Variants in GRID1 observed in about 807,000 individuals in gnomAD.
The protein encoded by GRID1 is glutamate receptor ionotropic, delta-1.
GRID1 carries 28 observed loss-of-function variants against 98.0 expected under a neutral mutation model. The observed-to-expected ratio is 0.29, with a 90% confidence interval of 0.21 to 0.39. GRID1 has a LOEUF of 0.39. Ranked by LOEUF, GRID1 falls within the 10% of genes least tolerant of loss-of-function variation. The probability of loss-of-function intolerance (pLI) is 1.00; values close to 1 mark genes in which losing one functional copy is unlikely to be tolerated. For missense variants in GRID1, 1,111 were observed against 1,340.5 expected (o/e 0.83, Z 2.67); for synonymous variants, 553 against 538.5 (o/e 1.03, Z -0.37).
intron 2 of GRID1, among the ~76,000 whole-genome samples, chr10:86,350,221 G>A (rs1349056724): frequency 6.6e-6 from 1 of 152,230 alleles, no homozygotes; most frequent in Non-Finnish European, 1.5e-5. Flanking sequence ...TTTTGTCGGG[G>A]TCCTTGGGGA....
At chr10:86,050,447 A>G (rs1843485566) in intron 4 of GRID1, among the ~76,000 whole-genome samples, 1 of 152,248 alleles carries the variant, frequency 6.6e-6, no homozygotes, top group South Asian at 2.1e-4. Flanking sequence ...TGAAAAACAC[A>G]TGAAGAAATG....
chr10:86,105,327 C>A (rs1249433461), intron 4 of GRID1, among the ~76,000 whole-genome samples: 1 of 152,194 alleles, frequency 6.6e-6, no homozygotes, highest in Non-Finnish European at 1.5e-5. Flanking sequence ...GACCAGGAAA[C>A]TGAGGCCCAG....
intron 3 of GRID1, among the ~76,000 whole-genome samples, chr10:86,189,298 T>C (rs1256649134): frequency 6.6e-6 from 1 of 152,112 alleles, no homozygotes; most frequent in African/African-American, 2.4e-5. Context: ...GATGTCAACC[T>C]TCCCACTCCA....
intron 12 of GRID1, among the ~76,000 whole-genome samples, chr10:85,693,414 C>A (rs1303952158): frequency 1.3e-5 from 2 of 151,884 alleles, no homozygotes; most frequent in African/African-American, 2.4e-5. Flanking sequence ...TTATCAAAAG[C>A]AATAGAACAT....
At chr10:86,303,722 C>A (rs1181849118) in intron 2 of GRID1, among the ~76,000 whole-genome samples, 1 of 152,220 alleles carries the variant, frequency 6.6e-6, no homozygotes, top group African/African-American at 2.4e-5. Context: ...TCTCTCCAAT[C>A]CACCAGCAGC....
Position 85,841,971 on chromosome 10 carries a change from C to G in GRID1, c.1233+12525G>C, listed in dbSNP as rs1202137716. Among the ~76,000 whole-genome samples the G allele has an allele frequency of 5.3e-5, 8 of 152,110 alleles. No individual in the cohort carries two copies. In the East Asian group the frequency reaches 1.5e-3, roughly 29 times the overall value. On this transcript the variant is annotated intron_variant, in intron 8 of 15. Coordinates refer to ENST00000327946, the MANE Select transcript of GRID1 (RefSeq NM_017551.3). ...ACTATTCAACCCAGTAATCCCATTA[C>G]TGGGTATATACCCCAAGAGTATAAA... is the stretch of plus-strand genomic sequence containing the variant.
intron 4 of GRID1, among the ~76,000 whole-genome samples, chr10:85,984,872 C>A (rs546868771): frequency 3.0e-5 from 4 of 131,792 alleles, no homozygotes; most frequent in African/African-American, 7.6e-5. Context: ...TGGCTCTTAA[C>A]ACTCTGACTC....
At chr10:85,942,136 C>T (rs995820759) in intron 4 of GRID1, among the ~76,000 whole-genome samples, 1 of 152,228 alleles carries the variant, frequency 6.6e-6, no homozygotes, top group Non-Finnish European at 1.5e-5. Flanking sequence ...TGGGGCACCC[C>T]TTTCTCAGCT....
At chr10:86,017,321 C>A (rs1589338131) in intron 4 of GRID1, among the ~76,000 whole-genome samples, 1 of 152,310 alleles carries the variant, frequency 6.6e-6, no homozygotes, top group African/African-American at 2.4e-5. Flanking sequence ...CTTCTCTGGG[C>A]AGTGTGACCA....
At chr10:85,879,508 C>T (rs1840965772) in intron 5 of GRID1, among the ~76,000 whole-genome samples, 1 of 152,158 alleles carries the variant, frequency 6.6e-6, no homozygotes, top group African/African-American at 2.4e-5. Flanking sequence ...GAACAACCTG[C>T]TCCTGAATGA....
chr10:85,788,920 G>A (rs1482450864), intron 8 of GRID1, among the ~76,000 whole-genome samples: 1 of 152,060 alleles, frequency 6.6e-6, no homozygotes, highest in Admixed American at 6.5e-5. Context: ...AGGTAGGGTG[G>A]GTACATGCAT....
chr10:85,704,928 A>G (rs1841498027), intron 12 of GRID1, among the ~76,000 whole-genome samples: 1 of 152,216 alleles, frequency 6.6e-6, no homozygotes, highest in South Asian at 2.1e-4. Flanking sequence ...CAGTGAGAAC[A>G]AAGACACAAC....
chr10:86,012,622 T>C (rs983723733), intron 4 of GRID1, among the ~76,000 whole-genome samples: 4 of 152,174 alleles, frequency 2.6e-5, no homozygotes, highest in African/African-American at 9.7e-5. Flanking sequence ...AATCCTAACC[T>C]CCAGGGCGAT....
At chr10:86,292,955 T>C (rs1847537411) in intron 2 of GRID1, among the ~76,000 whole-genome samples, 2 of 151,982 alleles carry the variant, frequency 1.3e-5, no homozygotes, top group Non-Finnish European at 2.9e-5. Context: ...GATGGGCCCT[T>C]GTGAAAAGAA....
chr10:85,627,309 C>T (rs1842924485), intron 13 of GRID1, among the ~76,000 whole-genome samples: 1 of 152,228 alleles, frequency 6.6e-6, no homozygotes, highest in South Asian at 2.1e-4. Context: ...GTCCCTACTT[C>T]ACAGAGTCCT....
intron 4 of GRID1, among the ~76,000 whole-genome samples, chr10:85,935,676 C>T (rs968837852): frequency 1.3e-5 from 2 of 152,232 alleles, no homozygotes; most frequent in Non-Finnish European, 2.9e-5. Flanking sequence ...ATATGCCAGG[C>T]ACTGTACTAA....
At chr10:85,744,768 A>G (rs1486333758) in intron 8 of GRID1, among the ~76,000 whole-genome samples, 1 of 14,866 alleles carries the variant, frequency 6.7e-5, no homozygotes, top group African/African-American at 3.3e-4. Context: ...AGAAACTACC[A>G]TCAGAGTGAA....
chr10:85,820,256 G>C (rs749035864), intron 8 of GRID1, among the ~76,000 whole-genome samples: 6 of 151,796 alleles, frequency 4.0e-5, no homozygotes, highest in African/African-American at 1.2e-4. Flanking sequence ...AATTGACAAG[G>C]TCTTTAAAAA....
intron 2 of GRID1, among the ~76,000 whole-genome samples, chr10:86,281,249 T>C (rs534547722): frequency 1.6e-3 from 249 of 152,144 alleles, no homozygotes; most frequent in South Asian, 6.6e-3. Context: ...AGGCAAGAAA[T>C]GGTGTGGTGA....
Sources: allele counts gnomAD v4.1 joint callset (sites outside exome capture counted in the v4.1 genomes callset), GRCh38; gene constraint gnomAD v4.1.1; transcripts MANE v1.5; gene names NCBI Gene and HGNC (gene_info 2026-07-23, HGNC 2026-07-21).